KCNMA1: variants seen among roughly 807,000 people sequenced by gnomAD.
The protein encoded by KCNMA1 is potassium calcium-activated channel subfamily M alpha 1, also known as Calcium-activated potassium channel subunit alpha-1.
KCNMA1 carries 29 observed loss-of-function variants against 140.0 expected under a neutral mutation model. The ratio of observed to expected loss-of-function variants is 0.21; its 90% CI spans 0.15 to 0.28. KCNMA1 has a LOEUF of 0.28. Ranked by LOEUF, KCNMA1 falls within the 10% of genes least tolerant of loss-of-function variation. The pLI is 1.00. For missense variants in KCNMA1, 880 were observed against 1,602.2 expected, an observed-to-expected ratio of 0.55 and a Z score of 7.70; for synonymous variants, 612 against 611.9, an observed-to-expected ratio of 1.00 and a Z score of 0.00.
rs199681253 is a variant in KCNMA1, at chr10:76,949,279, G to A, written c.2572C>T (p.Arg858Trp). 1.9e-6 allele frequency: 3 copies of A among 1,614,096 alleles called. No individual in the cohort carries two copies. Among genetic ancestry groups the A allele is most frequent in the Non-Finnish European group, 1.7e-6 (2 of 1,180,018 alleles). ...GDVSSALIGL[R>W]NLVMPLRASN... ...GCACGGAGCGGCATCACCAGGTTCC[G>A]GAGGCCGATCAGGGCTGAGCTGACG... The change falls in exon 22 of 28, where the codon CGG becomes TGG. Residue 858 changes from arginine (R) to tryptophan (W), a missense_variant. Physicochemically the swap from Arg to Trp is moderately radical, Grantham distance 101. This residue lies in a region of KCNMA1 where 82 missense variants were observed against 170.1 expected (regional missense o/e 0.48). Transcript: ENST00000286628.
At chr10:77,007,087 T>C (rs890004839) in intron 18 of KCNMA1, among the ~76,000 whole-genome samples, 1 of 152,180 alleles carries the variant, frequency 6.6e-6, no homozygotes, top group African/African-American at 2.4e-5. Context: ...TGGGTCTCCT[T>C]TTCAGTAGAG....
chr10:77,177,253 CCTTT>C (rs1355715053), intron 5 of KCNMA1, among the ~76,000 whole-genome samples: 1 of 151,836 alleles, frequency 6.6e-6, no homozygotes, highest in Non-Finnish European at 1.5e-5. Flanking sequence ...TTCCTTCCTT[CCTTT>C]CTTCCTTCCT....
chr10:77,036,181 C>T (rs1287811434), intron 15 of KCNMA1, among the ~76,000 whole-genome samples: 1 of 152,218 alleles, frequency 6.6e-6, no homozygotes, highest in Non-Finnish European at 1.5e-5. Context: ...AGCTTTTGGA[C>T]TCTTGGACTT....
intron 19 of KCNMA1, among the ~76,000 whole-genome samples, chr10:76,991,423 T>C (rs1270460043): frequency 6.6e-6 from 1 of 152,256 alleles, no homozygotes; most frequent in Admixed American, 6.5e-5. Context: ...CATTTGATCA[T>C]TTTCTAGTTC....
At chr10:77,242,649 T>C (rs1185875052) in intron 3 of KCNMA1, among the ~76,000 whole-genome samples, 5 of 152,182 alleles carry the variant, frequency 3.3e-5, no homozygotes. Flanking sequence ...TGTAAAAATA[T>C]GTATAATTTA....
chr10:77,130,959 G>T (rs983938309), intron 5 of KCNMA1, among the ~76,000 whole-genome samples: 2 of 151,982 alleles, frequency 1.3e-5, no homozygotes, highest in African/African-American at 2.4e-5. Context: ...TGAGGTTGAT[G>T]GGGGGGTGGT....
intron 2 of KCNMA1, among the ~76,000 whole-genome samples, chr10:77,286,666 T>C (rs975430172): frequency 1.3e-5 from 2 of 151,906 alleles, no homozygotes; most frequent in Non-Finnish European, 2.9e-5. Context: ...TTAGAATTCA[T>C]AGAATTTGCA....
intron 1 of KCNMA1, among the ~76,000 whole-genome samples, chr10:77,573,097 G>A (rs1208238070): frequency 2.0e-5 from 3 of 152,104 alleles, no homozygotes; most frequent in Non-Finnish European, 4.4e-5. Flanking sequence ...GGAATGAGCT[G>A]GTGTAGAACT....
intron 1 of KCNMA1, among the ~76,000 whole-genome samples, chr10:77,602,806 T>C (rs1208536659): frequency 1.3e-5 from 2 of 152,140 alleles, no homozygotes; most frequent in Admixed American, 1.3e-4. Context: ...GATTTCGGGG[T>C]TCTGAGTAAC....
chr10:77,303,383 G>T (rs757192319), intron 2 of KCNMA1, among the ~76,000 whole-genome samples: 2 of 151,918 alleles, frequency 1.3e-5, no homozygotes, highest in South Asian at 4.2e-4. Context: ...AATCTGAAGG[G>T]GCCTCTGATA....
chr10:77,634,490 C>T (rs2093540871), intron 1 of KCNMA1: 1 of 985,392 alleles, frequency 1.0e-6, no homozygotes, highest in African/African-American at 1.7e-5. Flanking sequence ...GGTGCGATCC[C>T]AGAGACCAAA....
chr10:77,246,549 G>T (rs1322569799), intron 3 of KCNMA1, among the ~76,000 whole-genome samples: 2 of 152,198 alleles, frequency 1.3e-5, no homozygotes, highest in Non-Finnish European at 2.9e-5. Context: ...TTCTGCTAAA[G>T]CTCTGGACAT....
At chr10:77,465,407 G>T (rs1170444803) in intron 1 of KCNMA1, among the ~76,000 whole-genome samples, 1 of 152,128 alleles carries the variant, frequency 6.6e-6, no homozygotes, top group Non-Finnish European at 1.5e-5. Flanking sequence ...GGGCTGCTGG[G>T]CTTTTCCCAG....
At chr10:77,577,446 G>C (rs1385190378) in intron 1 of KCNMA1, among the ~76,000 whole-genome samples, 2 of 152,078 alleles carry the variant, frequency 1.3e-5, no homozygotes, top group Admixed American at 6.5e-5. Context: ...GGGAGAGACC[G>C]AGACTCAGCC....
intron 2 of KCNMA1, among the ~76,000 whole-genome samples, chr10:77,325,820 T>C (rs1246159095): frequency 6.6e-6 from 1 of 152,188 alleles, no homozygotes; most frequent in East Asian, 1.9e-4. Context: ...TTAGATGATC[T>C]GGCCAGGTCA....
intron 3 of KCNMA1, among the ~76,000 whole-genome samples, chr10:77,213,217 G>A (rs2046657948): frequency 6.6e-6 from 1 of 152,110 alleles, no homozygotes; most frequent in African/African-American, 2.4e-5. Flanking sequence ...GAGCAAAAAC[G>A]GCTCTAACCC....
intron 23 of KCNMA1, among the ~76,000 whole-genome samples, chr10:76,931,613 C>A (rs935152768): frequency 6.6e-6 from 1 of 151,996 alleles, no homozygotes; most frequent in Non-Finnish European, 1.5e-5. Context: ...GTCACTTCAC[C>A]AACATCAGGG....
At chr10:77,317,337 C>T (rs611519) in intron 2 of KCNMA1, among the ~76,000 whole-genome samples, 31,246 of 152,100 alleles carry the variant, frequency 0.21, 3,466 homozygotes, top group Admixed American at 0.26. Flanking sequence ...ATTTTGTTCA[C>T]GTTTCATTTG....
chr10:76,954,011 G>C, intron 20 of KCNMA1, 87 bp from the exon 21 acceptor site: 1 of 1,420,198 alleles, frequency 7.0e-7, no homozygotes. Context: ...CTCAGAGGAT[G>C]TGAAAGATGC....
Sources: allele counts gnomAD v4.1 joint callset (sites outside exome capture counted in the v4.1 genomes callset), GRCh38; gene constraint gnomAD v4.1.1; regional missense constraint gnomAD v4.1.1; transcripts MANE v1.5; gene names NCBI Gene and HGNC (gene_info 2026-07-23, HGNC 2026-07-21).